The following SLC7A14 variants were observed in gnomAD, a reference collection of about 807,000 sequenced individuals.
The protein encoded by SLC7A14 is gamma-aminobutyric acid transporter SLC7A14.
A neutral mutation model predicts 60.2 loss-of-function variants in SLC7A14; 37 were observed. The observed-to-expected ratio is 0.61, with a 90% confidence interval of 0.47 to 0.81. The LOEUF is 0.81. Ranked by LOEUF, SLC7A14 falls within the 30% of genes least tolerant of loss-of-function variation. The pLI is 0.00. For missense variants in SLC7A14, 886 were observed against 982.7 expected, an observed-to-expected ratio of 0.90 and a Z score of 1.32; for synonymous variants, 399 against 395.8, an observed-to-expected ratio of 1.01 and a Z score of -0.10.
At chr3:170,576,809 CAAAA>C (rs1310819668) in intron 1 of SLC7A14, among the ~76,000 whole-genome samples, 1 of 152,066 alleles carries the variant, frequency 6.6e-6, no homozygotes, top group East Asian at 1.9e-4. Flanking sequence ...CCCAGTCCAC[CAAAA>C]GTCAGTAGTA....
At chr3:170,481,203 C>T (rs1039077151) in intron 6 of SLC7A14, 37 bp from the exon 7 acceptor site, 1 of 1,578,434 alleles carries the variant, frequency 6.3e-7, no homozygotes, top group African/African-American at 1.3e-5. Context: ...TAATGGTGAG[C>T]TACAGTGACC....
At position 170,494,794 on chromosome 3, in the gene SLC7A14, A is replaced by G. The variant is rs11918381; in HGVS notation, c.759+3873T>C. On this transcript the variant is annotated intron_variant, in intron 4 of 7. Transcript: ENST00000231706. ...TTCTATCTCTTAATGTTCCTCCAAG[A>G]TTCTCTGACATCATGAAAGTTTAAA... 7.7e-3 allele frequency among the ~76,000 whole-genome samples: 1,177 copies of G among 152,372 alleles called. 21 individuals are homozygous for G. Among genetic ancestry groups the G allele is most frequent in the African/African-American group, 0.026 (1,090 of 41,598 alleles).
At chr3:170,514,371 G>A (rs569182059) in intron 2 of SLC7A14, among the ~76,000 whole-genome samples, 1 of 152,280 alleles carries the variant, frequency 6.6e-6, no homozygotes, top group Non-Finnish European at 1.5e-5. Context: ...CATGGCTGTC[G>A]GCAGGTACCA....
At chr3:170,469,443 G>A (rs570728217) in intron 7 of SLC7A14, among the ~76,000 whole-genome samples, 4 of 151,910 alleles carry the variant, frequency 2.6e-5, no homozygotes, top group Non-Finnish European at 4.4e-5. Flanking sequence ...AGCTATTAGT[G>A]CTCAAATAAT....
chr3:170,494,052 A>T (rs1712306212), intron 4 of SLC7A14, among the ~76,000 whole-genome samples: 1 of 152,250 alleles, frequency 6.6e-6, no homozygotes, highest in Non-Finnish European at 1.5e-5. Flanking sequence ...AGTGAACAGA[A>T]GTGCAAAAAA....
chr3:170,550,072 C>A (rs1267138161), intron 1 of SLC7A14, among the ~76,000 whole-genome samples: 1 of 152,168 alleles, frequency 6.6e-6, no homozygotes, highest in African/African-American at 2.4e-5. Context: ...GAAGGGTTGA[C>A]CTGAAAATAA....
At chr3:170,530,865 G>A (rs1018061612) in intron 1 of SLC7A14, among the ~76,000 whole-genome samples, 3 of 152,196 alleles carry the variant, frequency 2.0e-5, no homozygotes, top group African/African-American at 7.2e-5. Context: ...CAAGCTGTGC[G>A]CTGCTGGAAT....
rs1411594548 is a variant in SLC7A14 at position 170,486,366 on chromosome 3, C to T, written c.762G>A (p.Val254=). ...AGAAGCATGTTGCTGCTCCTTGCAGCACCTGTGTGGATGATGGCATTTGTC... is the reference window on the plus strand; with the variant it reads ...AGAAGCATGTTGCTGCTCCTTGCAGTACCTGTGTGGATGATGGCATTTGTC... ...GQFLPHGWSG[V]LQGAATCFYA... Residue 254 remains valine, a splice_region_variant and synonymous_variant, in exon 5 of 8, where the codon GTG becomes GTA. Transcript: ENST00000231706. 2 of 1,614,168 alleles carry T rather than the reference C, an allele frequency of 1.2e-6. No individual in the cohort carries two copies. Among genetic ancestry groups the T allele is most frequent in the South Asian group, 2.2e-5 (2 of 91,078 alleles).
At chr3:170,520,006 C>T (rs1193558746) in intron 2 of SLC7A14, among the ~76,000 whole-genome samples, 1 of 152,298 alleles carries the variant, frequency 6.6e-6, no homozygotes, top group Admixed American at 6.5e-5. Flanking sequence ...CAGCCTCTCT[C>T]CAGGTTTCTT....
rs138782015 is a variant in SLC7A14 at position 170,482,118 on chromosome 3, C to T, written c.1116-952G>A. Among the ~76,000 whole-genome samples, 969 of 152,232 alleles carry T rather than the reference C, an allele frequency of 6.4e-3. 14 individuals carry two copies. Among genetic ancestry groups the T allele is most frequent in the African/African-American group, 0.022 (906 of 41,524 alleles). On this transcript the variant is annotated intron_variant, in intron 6 of 7. Coordinates refer to ENST00000231706, the MANE Select transcript of SLC7A14 (RefSeq NM_020949.3). ...TGTGCTCGTAGATACAGATTTATGT[C>T]CAGCTAGTTACTGACTGAAGAAGAG...
rs186272629 is a variant in SLC7A14 at position 170,575,695 on chromosome 3, A to G, written c.-153+10216T>C. 4.0e-3 allele frequency among the ~76,000 whole-genome samples: 608 copies of G among 152,318 alleles called. 3 individuals carry two copies. Among genetic ancestry groups the G allele is most frequent in the African/African-American group, 0.013 (540 of 41,572 alleles). Reference sequence around the variant, plus strand: ...GGAGGGACTAGGTTCTAGCTCTTATACTGCCACAAATTTACTAGCTGACTT... The same window carrying G: ...GGAGGGACTAGGTTCTAGCTCTTATGCTGCCACAAATTTACTAGCTGACTT... On this transcript the variant is annotated intron_variant, in intron 1 of 7. Coordinates refer to ENST00000231706, the MANE Select transcript of SLC7A14 (RefSeq NM_020949.3).
chr3:170,505,430 AT>A lies in SLC7A14; in HGVS notation c.305-4086del, dbSNP rs1712747149. Among the ~76,000 whole-genome samples, 4 of 152,138 alleles carry A rather than the reference AT, an allele frequency of 2.6e-5. No individual in the cohort carries two copies. The South Asian group carries it at 8.3e-4, about 31-fold the overall frequency. ...TTTTATTCAAAATTACTTTCCTTTG[AT>A]TTATCTTTCACACTCAGGACATATT... is the stretch of plus-strand genomic sequence containing the variant. On this transcript the variant is annotated intron_variant, in intron 2 of 7. Coordinates refer to ENST00000231706, the MANE Select transcript of SLC7A14 (RefSeq NM_020949.3).
At chr3:170,526,513 T>C (rs1713504660) in intron 2 of SLC7A14, 120 bp downstream of exon 2, 3 of 1,255,990 alleles carry the variant, frequency 2.4e-6, no homozygotes, top group Non-Finnish European at 3.3e-6. Context: ...AAGAGCATGA[T>C]GATCCACTTT....
At chr3:170,508,578 G>A (rs1712861159) in intron 2 of SLC7A14, among the ~76,000 whole-genome samples, 1 of 152,214 alleles carries the variant, frequency 6.6e-6, no homozygotes. Context: ...CCCAGACACA[G>A]GATGGAATCA....
intron 2 of SLC7A14, among the ~76,000 whole-genome samples, chr3:170,503,475 C>T (rs767964428): frequency 1.3e-5 from 2 of 152,032 alleles, no homozygotes; most frequent in East Asian, 1.9e-4. Context: ...TTTGCACATA[C>T]GGATTAGGTT....
At chr3:170,472,096 C>G (rs570712242) in intron 7 of SLC7A14, among the ~76,000 whole-genome samples, 1 of 151,766 alleles carries the variant, frequency 6.6e-6, no homozygotes, top group African/African-American at 2.4e-5. Flanking sequence ...TGGCTGGGCA[C>G]GGTGGCTCAT....
intron 2 of SLC7A14, among the ~76,000 whole-genome samples, chr3:170,518,548 T>C (rs1253910363): frequency 6.6e-6 from 1 of 152,212 alleles, no homozygotes; most frequent in Non-Finnish European, 1.5e-5. Context: ...CTCTTTCCAC[T>C]GTATTACTAA....
rs1739643749 is a variant in SLC7A14, at chr3:170,463,251, G to A, written c.*3804C>T. ...AACTAGCTCCTTGCTTTCTCTTAATGGAGGCACAGCACAAATTCTTAGCCA... is the reference window on the plus strand; with the variant it reads ...AACTAGCTCCTTGCTTTCTCTTAATAGAGGCACAGCACAAATTCTTAGCCA... On this transcript the variant is annotated 3_prime_UTR_variant, in exon 8 of 8. Coordinates refer to ENST00000231706, the MANE Select transcript of SLC7A14 (RefSeq NM_020949.3). The A allele has an allele frequency of 6.6e-6, 1 of 152,090 alleles. No individual in the cohort carries two copies. Among genetic ancestry groups the A allele is most frequent in the African/African-American group, 2.4e-5 (1 of 41,408 alleles). The allele number at this position is 152,090 out of a possible 1,614,324, so 9.4% of individuals were successfully genotyped here.
At chr3:170,508,834 C>T (rs1398249585) in intron 2 of SLC7A14, among the ~76,000 whole-genome samples, 2 of 152,138 alleles carry the variant, frequency 1.3e-5, no homozygotes, top group Non-Finnish European at 2.9e-5. Flanking sequence ...ATCACAGGAC[C>T]TCAGAGAGAA....
Sources: allele counts gnomAD v4.1 joint callset (sites outside exome capture counted in the v4.1 genomes callset), GRCh38; gene constraint gnomAD v4.1.1; transcripts MANE v1.5; gene names NCBI Gene and HGNC (gene_info 2026-07-23, HGNC 2026-07-21).